GUCY2C: variants seen among roughly 807,000 people sequenced by gnomAD.
The protein encoded by GUCY2C is guanylate cyclase 2C.
A neutral mutation model predicts 131.1 loss-of-function variants in GUCY2C; 118 were observed. The observed-to-expected ratio is 0.90, with a 90% CI of 0.78 to 1.05. The LOEUF is 1.05. Ranked by LOEUF, GUCY2C falls within the 50% of genes least tolerant of loss-of-function variation. The pLI, the probability that GUCY2C is intolerant of heterozygous loss-of-function variation, is 0.00. For synonymous variants in GUCY2C, 452 were observed against 457.8 expected (o/e 0.99, Z 0.16); for missense variants, 1,161 against 1,304.4 (o/e 0.89, Z 1.69).
In GUCY2C at chr12:14,669,779, T is replaced by A. The variant is rs760544133; in HGVS notation, c.1225A>T (p.Met409Leu). Residue 409 changes from methionine to leucine, a missense_variant, in exon 10 of 27, where the codon ATG becomes TTG. Met to Leu is a conservative substitution (Grantham distance 15). Transcript: ENST00000261170. ...THVNKTYPVD[M>L]SPTFTWKNSK... ...TTCTTCCAAGTGAATGTGGGGCTCATATCCACAGGATAGGTCTTATTTACG... is the reference window on the plus strand; with the variant it reads ...TTCTTCCAAGTGAATGTGGGGCTCAAATCCACAGGATAGGTCTTATTTACG... 13 of 1,608,008 alleles carry A rather than the reference T, an allele frequency of 8.1e-6. No individual in the cohort carries two copies. The highest frequency in any genetic ancestry group is 3.3e-5 in the Admixed American group (2 of 59,724).
At chr12:14,667,682 T>C (rs1049875458) in intron 10 of GUCY2C, among the ~76,000 whole-genome samples, 8 of 152,312 alleles carry the variant, frequency 5.3e-5, no homozygotes, top group Admixed American at 1.3e-4. Flanking sequence ...TAGCTTATAA[T>C]TTTTAATACT....
chr12:14,631,357 A>G (rs895398250), intron 19 of GUCY2C, among the ~76,000 whole-genome samples: 1 of 150,694 alleles, frequency 6.6e-6, no homozygotes, highest in African/African-American at 2.4e-5. Flanking sequence ...CATTAGGTAT[A>G]TCTCCTAATG....
At chr12:14,684,740 G>A (rs993513523) in intron 3 of GUCY2C, among the ~76,000 whole-genome samples, 1 of 151,062 alleles carries the variant, frequency 6.6e-6, no homozygotes, top group Non-Finnish European at 1.5e-5. Context: ...TGTGATCCTG[G>A]ATCACTGGAG....
intron 8 of GUCY2C, among the ~76,000 whole-genome samples, chr12:14,673,547 T>C (rs942940334): frequency 3.3e-5 from 5 of 152,242 alleles, no homozygotes; most frequent in Admixed American, 1.3e-4. Flanking sequence ...TGCTAAGTGA[T>C]TTATATGCAT....
At chr12:14,645,102 A>G in intron 16 of GUCY2C, 127 bp downstream of exon 16, 1 of 584,938 alleles carries the variant, frequency 1.7e-6, no homozygotes, top group Non-Finnish European at 3.0e-6. Context: ...AAATCCTACA[A>G]CCCTATGACA....
chr12:14,663,096 T>A (rs1039438674), intron 10 of GUCY2C, among the ~76,000 whole-genome samples: 10 of 152,176 alleles, frequency 6.6e-5, no homozygotes, highest in African/African-American at 2.4e-4. Flanking sequence ...CATGTATCAA[T>A]ACAAAAAATT....
Position 14,661,146 on chromosome 12 carries a change from G to A in GUCY2C, c.1283-84C>T, listed in dbSNP as rs1164245685. 12 of 868,106 alleles carry A rather than the reference G, an allele frequency of 1.4e-5. No homozygotes were observed. The East Asian group carries it at 2.7e-4, about 20-fold the overall frequency. The allele number at this position is 868,106 out of a possible 1,614,324, so 53.8% of individuals were successfully genotyped here. A position where few individuals can be genotyped will look rare whatever the true frequency, so the allele number is the denominator to read the frequency against. Reference sequence around the variant, plus strand: ...ATTCTAGCTGTACAATGTAATTTGGGGAAGGGAAAAGAGAACCCTTTAAAA... The same window carrying A: ...ATTCTAGCTGTACAATGTAATTTGGAGAAGGGAAAAGAGAACCCTTTAAAA... On this transcript the variant is annotated intron_variant, in intron 10 of 26. Transcript: ENST00000261170.
chr12:14,627,511 C>T (rs536134608), intron 20 of GUCY2C, among the ~76,000 whole-genome samples: 2 of 152,282 alleles, frequency 1.3e-5, no homozygotes, highest in East Asian at 3.9e-4. Context: ...AACAGTTGCT[C>T]ACCTTTGACT....
At chr12:14,695,911 C>A (rs1467974684) in intron 1 of GUCY2C, among the ~76,000 whole-genome samples, 1 of 152,082 alleles carries the variant, frequency 6.6e-6, no homozygotes, top group African/African-American at 2.4e-5. Context: ...CCTTCCTTGG[C>A]CTCCTAAATT....
intron 6 of GUCY2C, 35 bp from the exon 7 acceptor site, chr12:14,677,006 AG>A: frequency 1.4e-6 from 1 of 706,618 alleles, no homozygotes; most frequent in Non-Finnish European, 2.3e-6. Flanking sequence ...CATGAAAATT[AG>A]GAAAAATAGA....
chr12:14,641,091 C>T lies in GUCY2C; in HGVS notation c.2059G>A (p.Asp687Asn), dbSNP rs1947393099. ...KETFYTLSCR[D>N]RNEKIFRVEN... The stretch of plus-strand genomic sequence containing the variant: ...ATGGGTTTAGATGTACCATTCCGGT[C>T]CCGACAGCTCAAAGTGTAGAAGGTT... Residue 687 changes from aspartate (D) to asparagine (N), a missense_variant, in exon 18 of 27, where the codon GAC (aspartate) becomes AAC (asparagine). By Grantham distance (23) the Asp-to-Asn change is conservative. Transcript: ENST00000261170. The T allele has an allele frequency of 6.2e-7, 1 of 1,613,428 alleles. No individual in the cohort carries two copies. Among genetic ancestry groups the T allele is most frequent in the Non-Finnish European group, 8.5e-7 (1 of 1,179,830 alleles).
At chr12:14,667,367 A>G (rs769480846) in intron 10 of GUCY2C, among the ~76,000 whole-genome samples, 1 of 152,258 alleles carries the variant, frequency 6.6e-6, no homozygotes, top group Non-Finnish European at 1.5e-5. Flanking sequence ...AGCTTATTAA[A>G]TAAAACTCGA....
chr12:14,645,346 T>G, intron 15 of GUCY2C, 31 bp from the exon 16 acceptor site: 1 of 1,120,514 alleles, frequency 8.9e-7, no homozygotes, highest in Non-Finnish European at 1.4e-6. Context: ...AGAAGAAAAG[T>G]TGTTGCAAGA....
chr12:14,653,795 G>A (rs900736475), intron 12 of GUCY2C, among the ~76,000 whole-genome samples: 2 of 152,216 alleles, frequency 1.3e-5, no homozygotes, highest in African/African-American at 4.8e-5. Flanking sequence ...ATGACTCTCT[G>A]AAGGTCCAAG....
At position 14,673,353 on chromosome 12, in the gene GUCY2C, T is replaced by C. The variant is rs75937761; in HGVS notation, c.1085-395A>G. On this transcript the variant is annotated intron_variant, in intron 8 of 26. Coordinates refer to ENST00000261170, the MANE Select transcript of GUCY2C (RefSeq NM_004963.4). The stretch of plus-strand genomic sequence containing the variant: ...TAGGAAGATCAAAATTTTTTCACTG[T>C]CACTCATTTGCTGAAGACATTGAAT... 6.4e-4 allele frequency among the ~76,000 whole-genome samples: 98 copies of C among 152,324 alleles called. 2 individuals carry two copies. The East Asian group carries it at 0.018, about 28-fold the overall frequency.
chr12:14,695,584 G>C (rs528294671), intron 1 of GUCY2C, among the ~76,000 whole-genome samples: 78 of 129,822 alleles, frequency 6.0e-4, no homozygotes, highest in Non-Finnish European at 1.1e-3. Context: ...CTGGGTGACA[G>C]AGTGAGACTC....
intron 9 of GUCY2C, 70 bp from the exon 10 acceptor site, chr12:14,669,903 A>C: frequency 1.6e-6 from 1 of 637,212 alleles, no homozygotes; most frequent in Admixed American, 2.9e-5. Flanking sequence ...GGTGAGATTA[A>C]TGATTCTACA....
rs1436730124 is a variant in GUCY2C, at chr12:14,612,791, G to A, written c.*326C>T. 4 of 204,144 alleles carry A rather than the reference G, an allele frequency of 2.0e-5. No individual in the cohort carries two copies. In the South Asian group the frequency reaches 6.6e-4, roughly 34 times the overall value. 12.6% of individuals were successfully genotyped at this position (204,144 alleles called of 1,614,324 possible). A position where few individuals can be genotyped will look rare whatever the true frequency, so the allele number is the denominator to read the frequency against. ...AGAAGGAAAGCCAGTAAACAAAAACGATAAAAATAAACAAACAAAAAATAA... is the reference window on the plus strand; with the variant it reads ...AGAAGGAAAGCCAGTAAACAAAAACAATAAAAATAAACAAACAAAAAATAA... On this transcript the variant is annotated 3_prime_UTR_variant, in exon 27 of 27. Coordinates refer to ENST00000261170, the MANE Select transcript of GUCY2C (RefSeq NM_004963.4).
At chr12:14,622,988 C>T (rs994814503) in intron 21 of GUCY2C, among the ~76,000 whole-genome samples, 1 of 152,162 alleles carries the variant, frequency 6.6e-6, no homozygotes, top group Non-Finnish European at 1.5e-5. Context: ...GTGGGATGGT[C>T]CCTGTCTGTC....
Sources: allele counts gnomAD v4.1 joint callset (sites outside exome capture counted in the v4.1 genomes callset), GRCh38; gene constraint gnomAD v4.1.1; transcripts MANE v1.5; gene names NCBI Gene and HGNC (gene_info 2026-07-23, HGNC 2026-07-21).